MYH14: variants seen among roughly 807,000 people sequenced by gnomAD.
MYH14 encodes the protein myosin heavy chain 14.
In MYH14, 123 loss-of-function variants were observed where a neutral mutation model predicts 255.5. The observed-to-expected ratio is 0.48, with a 90% CI of 0.42 to 0.56. The LOEUF is 0.56. Among genes scored for constraint, MYH14 ranks in the 20% least tolerant of loss-of-function variants. The probability of loss-of-function intolerance (pLI) is 0.00; values close to 1 mark genes in which losing one functional copy is unlikely to be tolerated. For missense variants in MYH14, 2,423 were observed against 2,802.3 expected (o/e 0.86, Z 3.06); for synonymous variants, 1,095 against 1,161.2 (o/e 0.94, Z 1.16).
Position 50,281,683 on chromosome 19 carries a change from G to C in MYH14, c.4380G>C (p.Glu1460Asp). The change falls in exon 33 of 43, where the codon GAG (glutamate) becomes GAC (aspartate). Residue 1460 changes from glutamate to aspartate, a missense_variant. Glu to Asp is a conservative substitution (Grantham distance 45). Around this residue, in one of 3 missense-constraint regions of MYH14, gnomAD observed 1,513 missense variants for 1,674.8 expected, o/e 0.90. Coordinates refer to ENST00000642316, the MANE Select transcript of MYH14 (RefSeq NM_001145809.2). ...EARRRAAREA[E>D]ALTQRLAEKT... Reference sequence around the variant, plus strand: ...GGCGCCGGGCAGCCCGGGAGGCCGAGGCCCTGACCCAGCGCCTGGCAGAAA... The same window carrying C: ...GGCGCCGGGCAGCCCGGGAGGCCGACGCCCTGACCCAGCGCCTGGCAGAAA... 1 of 1,611,514 alleles carries C rather than the reference G, an allele frequency of 6.2e-7. No homozygotes were observed.
intron 17 of MYH14, among the ~76,000 whole-genome samples, 179 bp downstream of exon 17, chr19:50,255,497 C>T (rs1482101070): frequency 6.6e-6 from 1 of 152,180 alleles, no homozygotes; most frequent in African/African-American, 2.4e-5. Context: ...CAGCAGAACC[C>T]CTTCTTCTAA....
In MYH14 at chr19:50,224,296, C is replaced by A. The variant is rs527967427; in HGVS notation, c.717+119C>A. 3.7e-5 allele frequency: 50 copies of A among 1,333,818 alleles called. No individual in the cohort carries two copies. In the South Asian group the frequency reaches 5.3e-4, roughly 14 times the overall value. The allele number at this position is 1,333,818 out of a possible 1,614,324, so 82.6% of individuals were successfully genotyped here. On this transcript the variant is annotated intron_variant, in intron 6 of 42. Coordinates refer to ENST00000642316, the MANE Select transcript of MYH14 (RefSeq NM_001145809.2). ...GCAGTGGTCCCACCTGCCAGGGACC[C>A]CTCTGCCCCACCACTGCTATTCATG...
At chr19:50,205,746 T>G (rs2031706380) in intron 1 of MYH14, among the ~76,000 whole-genome samples, 1 of 151,902 alleles carries the variant, frequency 6.6e-6, no homozygotes, top group African/African-American at 2.4e-5. Context: ...GGGCCAGGAC[T>G]GCAGAGCTGG....
Position 50,210,587 on chromosome 19 carries a change from C to A in MYH14, c.222C>A (p.Gly74=). ...AGGCGGCGGCGCTGCGGGACGAAGG[C>A]GAGGAGGAGGCGGAGGTGGAGCTGG... The part of the protein sequence containing the change: ...GFEAAALRDE[G]EEEAEVELAE... Residue 74 remains glycine, a synonymous_variant, in exon 2 of 43, where the codon GGC becomes GGA. Transcript: ENST00000642316. 1.3e-6 allele frequency: 2 copies of A among 1,575,164 alleles called. No homozygotes were observed. Among genetic ancestry groups the A allele is most frequent in the Admixed American group, 1.9e-5 (1 of 53,794 alleles).
chr19:50,272,776 C>T (rs775384069), intron 27 of MYH14, 45 bp downstream of exon 27: 121 of 1,537,468 alleles, frequency 7.9e-5, no homozygotes, highest in South Asian at 2.6e-4. Flanking sequence ...CATGGGTGCA[C>T]GGCCAGCCAG....
At chr19:50,215,134 C>T (rs1006327987) in intron 2 of MYH14, among the ~76,000 whole-genome samples, 2 of 152,142 alleles carry the variant, frequency 1.3e-5, no homozygotes, top group Admixed American at 6.5e-5. Flanking sequence ...CTTTGTTCTT[C>T]CCCCCAGCCT....
At chr19:50,251,553 CACACACACACACACACAT>C (rs2034395500) in intron 15 of MYH14, among the ~76,000 whole-genome samples, 1 of 129,694 alleles carries the variant, frequency 7.7e-6, no homozygotes, top group Non-Finnish European at 1.7e-5. Context: ...CACACACACA[CACACACACACACACACAT>C]ATATATATGT....
intron 10 of MYH14, among the ~76,000 whole-genome samples, chr19:50,242,346 G>A (rs2123276916): frequency 6.6e-6 from 1 of 152,298 alleles, no homozygotes; most frequent in South Asian, 2.1e-4. Flanking sequence ...AAGTAAAAGA[G>A]GTTTAACAGA....
intron 14 of MYH14, 57 bp downstream of exon 14, chr19:50,249,880 A>G (rs1600938931): frequency 1.3e-6 from 2 of 1,596,824 alleles, no homozygotes; most frequent in East Asian, 4.5e-5. Context: ...CTCTCCCAGC[A>G]TCTGCGAGAC....
intron 1 of MYH14, among the ~76,000 whole-genome samples, chr19:50,209,247 T>G (rs2032010399): frequency 6.6e-6 from 1 of 152,198 alleles, no homozygotes; most frequent in Admixed American, 6.5e-5. Context: ...TACCCGGTAG[T>G]GCACAGGTGG....
intron 34 of MYH14, 43 bp downstream of exon 34, chr19:50,286,737 A>C (rs1314158561): frequency 1.3e-6 from 2 of 1,506,158 alleles, no homozygotes; most frequent in Non-Finnish European, 1.8e-6. Context: ...GGGTGAGGGG[A>C]GACACGTACA....
intron 10 of MYH14, among the ~76,000 whole-genome samples, chr19:50,234,262 C>A (rs112444576): frequency 2.6e-5 from 4 of 152,268 alleles, no homozygotes; most frequent in African/African-American, 7.2e-5. Context: ...TGATTCAACC[C>A]GTAACAAGTA....
In MYH14 at chr19:50,209,385, C is replaced by T. The variant is rs1179356108; in HGVS notation, c.-3-978C>T. On this transcript the variant is annotated intron_variant, in intron 1 of 42. Transcript: ENST00000642316. ...GAGCCTGGCCAGGAGTGGTGGCTCA[C>T]GCCTGCAATCCCAGCACTTTGGGAG... is the stretch of plus-strand genomic sequence containing the variant. Among the ~76,000 whole-genome samples, 3 of 152,100 alleles carry T rather than the reference C, an allele frequency of 2.0e-5. No individual in the cohort carries two copies. The South Asian group carries it at 6.2e-4, about 31-fold the overall frequency.
intron 36 of MYH14, 99 bp from the exon 37 acceptor site, chr19:50,292,162 A>T (rs375655432): frequency 1.1e-5 from 14 of 1,270,942 alleles, no homozygotes; most frequent in African/African-American, 9.2e-5. Context: ...CTGCTTGTTC[A>T]CGGGAGCTGA....
rs199910006 is a variant in MYH14, at chr19:50,210,759, G to A, written c.394G>A (p.Gly132Ser). Residue 132 changes from glycine to serine, a missense_variant, in exon 2 of 43, where the codon GGC becomes AGC. By Grantham distance (56) the Gly-to-Ser change is moderately conservative. This residue lies in a region of MYH14 where 238 missense variants were observed against 245.8 expected (regional missense o/e 0.97). Transcript: ENST00000642316. ...LHNLRERYYS[G>S]LIYTYSGLFC... ...CAACCTCCGGGAGCGGTACTACTCC[G>A]GCCTCATCTACGTGAGTGGGCTCCT... 1,386 of 1,573,820 alleles carry A rather than the reference G, an allele frequency of 8.8e-4. 2 individuals are homozygous for A. Among genetic ancestry groups the A allele is most frequent in the Non-Finnish European group, 1.1e-3 (1,244 of 1,161,038 alleles).
chr19:50,272,756 G>C, intron 27 of MYH14, 25 bp downstream of exon 27: 1 of 1,548,152 alleles, frequency 6.5e-7, no homozygotes, highest in African/African-American at 1.4e-5. Context: ...GGGCTTGGTG[G>C]GGTAAGCAGC....
At chr19:50,247,232 G>T (rs1240446097) in intron 12 of MYH14, 110 bp downstream of exon 12, 2 of 748,608 alleles carry the variant, frequency 2.7e-6, no homozygotes, top group South Asian at 3.2e-5. Flanking sequence ...TTTGCTGAGT[G>T]CCCGCTCCGT....
intron 12 of MYH14, among the ~76,000 whole-genome samples, chr19:50,248,564 A>G (rs1044672862): frequency 7.2e-5 from 11 of 152,318 alleles, no homozygotes; most frequent in South Asian, 2.1e-4. Context: ...CCCGGGTTCA[A>G]TCTCAGCTGG....
intron 32 of MYH14, among the ~76,000 whole-genome samples, chr19:50,281,280 C>G (rs1011093106): frequency 6.6e-6 from 1 of 152,192 alleles, no homozygotes; most frequent in Non-Finnish European, 1.5e-5. Flanking sequence ...CTCCATAGCT[C>G]CCATACTGCT....
Sources: allele counts gnomAD v4.1 joint callset (sites outside exome capture counted in the v4.1 genomes callset), GRCh38; gene constraint gnomAD v4.1.1; regional missense constraint gnomAD v4.1.1; transcripts MANE v1.5; gene names NCBI Gene and HGNC (gene_info 2026-07-23, HGNC 2026-07-21).